The following CDH12 variants were observed in gnomAD, a reference collection of about 807,000 sequenced individuals.
CDH12 encodes cadherin 12, also known as cadherin-12.
A neutral mutation model predicts 74.1 loss-of-function variants in CDH12; 41 were observed. That is an observed-to-expected ratio of 0.55 (90% CI 0.43 to 0.72). CDH12 has a LOEUF of 0.72. Among genes scored for constraint, CDH12 ranks in the 30% least tolerant of loss-of-function variants. CDH12 has a pLI of 0.00. For missense variants in CDH12, 945 were observed against 977.2 expected, an observed-to-expected ratio of 0.97 and a Z score of 0.44; for synonymous variants, 399 against 355.0, an observed-to-expected ratio of 1.12 and a Z score of -1.39.
At position 21,750,800 on chromosome 5, in the gene CDH12, G is replaced by A. The variant is rs1744001645; in HGVS notation, c.*937C>T. On this transcript the variant is annotated 3_prime_UTR_variant, in exon 15 of 15. Coordinates refer to ENST00000382254, the MANE Select transcript of CDH12 (RefSeq NM_004061.5). ...AAGAATTTTCATAGAAACACAACTTGAAATTACATCTATGACTAAAAGCTG... is the reference window on the plus strand; with the variant it reads ...AAGAATTTTCATAGAAACACAACTTAAAATTACATCTATGACTAAAAGCTG... 6.6e-6 allele frequency: 1 copy of A among 151,942 alleles called. No individual in the cohort carries two copies. Among genetic ancestry groups the A allele is most frequent in the Admixed American group, 6.6e-5 (1 of 15,256 alleles). The allele number at this position is 151,942 out of a possible 1,614,324, so 9.4% of individuals were successfully genotyped here. A position where few individuals can be genotyped will look rare whatever the true frequency, so the allele number is the denominator to read the frequency against.
At chr5:21,888,221 T>C (rs972654618) in intron 6 of CDH12, among the ~76,000 whole-genome samples, 31 of 152,182 alleles carry the variant, frequency 2.0e-4, no homozygotes, top group African/African-American at 2.4e-5. Context: ...TACGCTTTTC[T>C]CTCCTTTTTC....
At chr5:22,684,188 G>C (rs1741642087) in intron 1 of CDH12, among the ~76,000 whole-genome samples, 1 of 152,090 alleles carries the variant, frequency 6.6e-6, no homozygotes, top group Non-Finnish European at 1.5e-5. Context: ...AGGGTACATA[G>C]TAGGTGTATA....
intron 4 of CDH12, among the ~76,000 whole-genome samples, chr5:22,205,464 A>C (rs1297406020): frequency 6.6e-6 from 1 of 152,178 alleles, no homozygotes; most frequent in East Asian, 1.9e-4. Flanking sequence ...TGTAATTTTT[A>C]ATTTATATTA....
chr5:22,034,186 C>T (rs1739019281), intron 5 of CDH12, among the ~76,000 whole-genome samples: 1 of 152,122 alleles, frequency 6.6e-6, no homozygotes, highest in Admixed American at 6.5e-5. Context: ...AGTAGTGCAC[C>T]ACCATGCCTG....
At chr5:22,031,340 A>G (rs1301756651) in intron 5 of CDH12, among the ~76,000 whole-genome samples, 1 of 152,138 alleles carries the variant, frequency 6.6e-6, no homozygotes, top group Non-Finnish European at 1.5e-5. Context: ...ATAAAATAAA[A>G]TAAGTAAAAT....
At chr5:22,518,939 T>C (rs1473240540) in intron 1 of CDH12, among the ~76,000 whole-genome samples, 1 of 152,134 alleles carries the variant, frequency 6.6e-6, no homozygotes, top group Non-Finnish European at 1.5e-5. Flanking sequence ...GTCATCCCTG[T>C]AGGACTGCCT....
At chr5:22,747,855 T>C (rs1057442586) in intron 1 of CDH12, among the ~76,000 whole-genome samples, 1 of 152,156 alleles carries the variant, frequency 6.6e-6, no homozygotes, top group African/African-American at 2.4e-5. Context: ...CAGGAATAAA[T>C]GGATAGATAG....
intron 4 of CDH12, among the ~76,000 whole-genome samples, chr5:22,155,378 C>T (rs1429350143): frequency 1.3e-5 from 2 of 151,856 alleles, no homozygotes; most frequent in African/African-American, 4.8e-5. Flanking sequence ...AATTGGAGAG[C>T]TAAGAACCGT....
chr5:21,894,252 G>A (rs992920741), intron 6 of CDH12, among the ~76,000 whole-genome samples: 2 of 151,904 alleles, frequency 1.3e-5, no homozygotes, highest in Non-Finnish European at 2.9e-5. Context: ...GGTGGCATGA[G>A]CCTGTAGTCC....
At chr5:22,615,513 G>A (rs1281843288) in intron 1 of CDH12, among the ~76,000 whole-genome samples, 1 of 151,994 alleles carries the variant, frequency 6.6e-6, no homozygotes, top group Non-Finnish European at 1.5e-5. Context: ...TTAGGTCCTA[G>A]CAGGGAGTTT....
chr5:22,406,538 A>G (rs931778016), intron 2 of CDH12, among the ~76,000 whole-genome samples: 1 of 152,152 alleles, frequency 6.6e-6, no homozygotes. Context: ...GACTCTTTCC[A>G]CCAGATAAAA....
chr5:22,098,527 A>C (rs1322733894), intron 4 of CDH12, among the ~76,000 whole-genome samples: 1 of 152,210 alleles, frequency 6.6e-6, no homozygotes, highest in African/African-American at 2.4e-5. Flanking sequence ...GGCCCTAAAA[A>C]TCACAAACTA....
intron 3 of CDH12, among the ~76,000 whole-genome samples, chr5:22,362,285 C>G (rs1363496123): frequency 5.9e-5 from 9 of 152,096 alleles, no homozygotes; most frequent in African/African-American, 2.2e-4. Flanking sequence ...TGAACAGACA[C>G]TTCTCAAAAG....
At chr5:22,428,461 G>A (rs1047536163) in intron 2 of CDH12, among the ~76,000 whole-genome samples, 4 of 151,696 alleles carry the variant, frequency 2.6e-5, no homozygotes, top group African/African-American at 9.7e-5. Flanking sequence ...GTGTGTGTGT[G>A]ATATGTATGT....
At chr5:22,023,185 T>C (rs2150163650) in intron 5 of CDH12, among the ~76,000 whole-genome samples, 1 of 152,268 alleles carries the variant, frequency 6.6e-6, no homozygotes, top group Non-Finnish European at 1.5e-5. Context: ...ATTCACATTC[T>C]CTCAAAATCA....
At chr5:22,568,901 G>A (rs1016589701) in intron 1 of CDH12, among the ~76,000 whole-genome samples, 44 of 152,176 alleles carry the variant, frequency 2.9e-4, no homozygotes, top group Middle Eastern at 3.2e-3. Flanking sequence ...AGCTTTCAGC[G>A]AGTGGTAATC....
chr5:22,187,172 G>T (rs1186204101), intron 4 of CDH12, among the ~76,000 whole-genome samples: 1 of 152,170 alleles, frequency 6.6e-6, no homozygotes, highest in African/African-American at 2.4e-5. Flanking sequence ...GCACATATGA[G>T]GTCCCCTAGG....
intron 4 of CDH12, among the ~76,000 whole-genome samples, chr5:22,207,153 A>G (rs564367820): frequency 6.7e-6 from 1 of 148,164 alleles, no homozygotes; most frequent in Non-Finnish European, 1.5e-5. Flanking sequence ...TGGGAGGCAG[A>G]GCTTGCAGTG....
At chr5:22,268,578 A>G (rs1187224145) in intron 3 of CDH12, among the ~76,000 whole-genome samples, 2 of 152,146 alleles carry the variant, frequency 1.3e-5, no homozygotes, top group Non-Finnish European at 2.9e-5. Context: ...TTTTGTAAAA[A>G]AAAACTCTAC....
Sources: gnomAD v4.1 joint callset for allele counts (sites outside exome capture counted in the v4.1 genomes callset) on GRCh38, gnomAD v4.1.1 for gene constraint, MANE v1.5 for transcripts, NCBI Gene and HGNC (gene_info 2026-07-23, HGNC 2026-07-21) for gene names.